ARID1B: variants seen among roughly 807,000 people sequenced by gnomAD.
ARID1B encodes the protein AT-rich interactive domain-containing protein 1B.
In ARID1B, 30 loss-of-function variants were observed where a neutral mutation model predicts 212.3. The observed-to-expected ratio is 0.14, with a 90% CI of 0.11 to 0.19. The LOEUF (loss-of-function observed/expected upper bound fraction) is 0.19, where lower values mean the gene tolerates loss of function less well. Ranked by LOEUF, ARID1B falls within the 10% of genes least tolerant of loss-of-function variation. The probability of loss-of-function intolerance (pLI) is 1.00; values close to 1 mark genes in which losing one functional copy is unlikely to be tolerated. For synonymous variants in ARID1B, 1,402 were observed against 1,301.7 expected, an observed-to-expected ratio of 1.08 and a Z score of -1.66; for missense variants, 2,891 against 3,204.0, an observed-to-expected ratio of 0.90 and a Z score of 2.36.
chr6:156,988,932 A>C (rs1040161866), intron 4 of ARID1B, among the ~76,000 whole-genome samples: 12 of 152,156 alleles, frequency 7.9e-5, no homozygotes, highest in African/African-American at 2.9e-4. Flanking sequence ...GTGCCATAAA[A>C]ATAATTTCTC....
chr6:157,137,559 C>T (rs1789022713), intron 7 of ARID1B, among the ~76,000 whole-genome samples: 1 of 152,132 alleles, frequency 6.6e-6, no homozygotes, highest in African/African-American at 2.4e-5. Context: ...TTTGTGTTCT[C>T]TAGAGGAATG....
rs895186523 is a variant in ARID1B, at chr6:156,777,499, C to G, written c.-182C>G. 2.6e-5 allele frequency: 4 copies of G among 151,106 alleles called. No homozygotes were observed. The highest frequency in any genetic ancestry group is 9.7e-5 in the African/African-American group (4 of 41,346). The allele number at this position is 151,106 out of a possible 1,614,324, so 9.4% of individuals were successfully genotyped here. On this transcript the variant is annotated 5_prime_UTR_variant, in exon 1 of 20. Coordinates refer to ENST00000636930, the MANE Select transcript of ARID1B (RefSeq NM_001374828.1). ...AAACTTTCACCATGAAAGCACACAGCAGGAGCAGGCCCAGAGCGTAAGGCG... is the reference window on the plus strand; with the variant it reads ...AAACTTTCACCATGAAAGCACACAGGAGGAGCAGGCCCAGAGCGTAAGGCG...
At chr6:156,905,245 T>TGC (rs1789267431) in intron 3 of ARID1B, among the ~76,000 whole-genome samples, 2 of 83,036 alleles carry the variant, frequency 2.4e-5, no homozygotes, top group Non-Finnish European at 4.8e-5. Context: ...TGCTCACATA[T>TGC]GCACGCACAC....
chr6:157,088,883 G>A (rs1026536074), intron 5 of ARID1B, among the ~76,000 whole-genome samples: 3 of 152,128 alleles, frequency 2.0e-5, no homozygotes, highest in Admixed American at 2.0e-4. Context: ...TCTCCCAGGC[G>A]TGATACTCAA....
intron 4 of ARID1B, among the ~76,000 whole-genome samples, chr6:156,993,675 A>G (rs1778404350): frequency 6.6e-6 from 1 of 152,218 alleles, no homozygotes; most frequent in African/African-American, 2.4e-5. Flanking sequence ...AATTTTTTGA[A>G]TGTAGTAGGA....
chr6:156,914,889 C>CT (rs112115510), intron 3 of ARID1B, among the ~76,000 whole-genome samples: 9 of 151,744 alleles, frequency 5.9e-5, no homozygotes, highest in Middle Eastern at 3.2e-3. Context: ...ATCAAGCCCA[C>CT]TTTTTTTTTC....
At chr6:157,149,422 G>A (rs1790041581) in intron 8 of ARID1B, 1 of 161,280 alleles carries the variant, frequency 6.2e-6, no homozygotes, top group Non-Finnish European at 1.4e-5. Context: ...CGTGTATTGT[G>A]TGTTTGTCTA....
chr6:156,882,745 A>T (rs1787201598), intron 2 of ARID1B, among the ~76,000 whole-genome samples: 1 of 152,244 alleles, frequency 6.6e-6, no homozygotes, highest in Non-Finnish European at 1.5e-5. Flanking sequence ...TAAAACGTTT[A>T]AAAGTGCTTT....
At chr6:156,826,341 C>G (rs1042125344) in intron 1 of ARID1B, among the ~76,000 whole-genome samples, 1 of 152,210 alleles carries the variant, frequency 6.6e-6, no homozygotes, top group African/African-American at 2.4e-5. Context: ...GTGAGACACC[C>G]TCTTCTCACC....
At chr6:157,138,711 T>A (rs1047161249) in intron 7 of ARID1B, among the ~76,000 whole-genome samples, 1 of 152,194 alleles carries the variant, frequency 6.6e-6, no homozygotes, top group Non-Finnish European at 1.5e-5. Context: ...CCCTTCAGTG[T>A]GCTCATTTTA....
chr6:156,971,477 T>C (rs1583054005), intron 4 of ARID1B, among the ~76,000 whole-genome samples: 1 of 152,228 alleles, frequency 6.6e-6, no homozygotes, highest in East Asian at 1.9e-4. Flanking sequence ...CTAGATACAT[T>C]AGACAACTGT....
At chr6:156,880,608 G>T (rs2635622) in intron 2 of ARID1B, among the ~76,000 whole-genome samples, 2 of 151,754 alleles carry the variant, frequency 1.3e-5, no homozygotes. Context: ...GCGTGGTGGC[G>T]CATGCCTGTA....
chr6:157,099,595 T>A (rs554356261), intron 5 of ARID1B, among the ~76,000 whole-genome samples: 1 of 152,368 alleles, frequency 6.6e-6, no homozygotes, highest in East Asian at 1.9e-4. Flanking sequence ...AGTAACGTTT[T>A]ATAAGTTGGT....
chr6:156,901,635 A>G lies in ARID1B; in HGVS notation c.2136+110A>G. 6 of 1,374,722 alleles carry G rather than the reference A, an allele frequency of 4.4e-6. No homozygotes were observed. In the South Asian group the frequency reaches 4.4e-5, roughly 10 times the overall value. 85.2% of individuals were successfully genotyped at this position (1,374,722 alleles called of 1,614,324 possible). ...AAAATTATGTTCTGGTGGAAAAAAAATTAGTTTTGAGAAAATGCATAACTG... is the reference window on the plus strand; with the variant it reads ...AAAATTATGTTCTGGTGGAAAAAAAGTTAGTTTTGAGAAAATGCATAACTG... On this transcript the variant is annotated intron_variant, in intron 3 of 19. Transcript: ENST00000636930.
At chr6:157,143,659 C>T (rs756176908) in intron 7 of ARID1B, among the ~76,000 whole-genome samples, 12 of 152,274 alleles carry the variant, frequency 7.9e-5, no homozygotes, top group African/African-American at 2.4e-4. Flanking sequence ...CCACTTGTCA[C>T]GCTGCTAGGG....
chr6:157,009,338 G>GT (rs1381202155), intron 4 of ARID1B, among the ~76,000 whole-genome samples: 9 of 152,206 alleles, frequency 5.9e-5, no homozygotes, highest in Non-Finnish European at 1.3e-4. Context: ...GCACAAGGCT[G>GT]TTAGTATGAG....
At position 157,148,659 on chromosome 6, in the gene ARID1B, C is replaced by T. The variant is rs1436675945; in HGVS notation, c.2797C>T (p.Pro933Ser). The T allele has an allele frequency of 1.2e-6, 2 of 1,605,590 alleles. No individual in the cohort carries two copies. Among genetic ancestry groups the T allele is most frequent in the Non-Finnish European group, 1.7e-6 (2 of 1,173,570 alleles). The change falls in exon 8 of 20, where the codon CCC becomes TCC. Residue 933 changes from proline to serine, a missense_variant. Physicochemically the swap from Pro to Ser is moderately conservative, Grantham distance 74. Transcript: ENST00000636930. The surrounding 1 kb of genome is among the most constrained non-coding windows in gnomAD (Gnocchi z 5.6). ...YSRPPAYSGV[P>S]SASYSGPGPG... ...CAGACCCCCAGCGTATAGTGGGGTG[C>T]CCAGTGCAAGCTACAGCGGCCCAGG...
At chr6:156,805,662 A>G (rs1781103617) in intron 1 of ARID1B, among the ~76,000 whole-genome samples, 1 of 152,122 alleles carries the variant, frequency 6.6e-6, no homozygotes. Flanking sequence ...TAGGAAAAAG[A>G]ATTACATATA....
At chr6:156,894,548 A>G (rs9372025) in intron 2 of ARID1B, among the ~76,000 whole-genome samples, 43,672 of 152,152 alleles carry the variant, frequency 0.29, 6,416 homozygotes, top group Non-Finnish European at 0.33. Context: ...ATTCTTTTAC[A>G]CAGCAAAATA....
Sources: allele counts gnomAD v4.1 joint callset (sites outside exome capture counted in the v4.1 genomes callset), GRCh38; gene constraint gnomAD v4.1.1; non-coding constraint Gnocchi (gnomAD v3.1); transcripts MANE v1.5; gene names NCBI Gene and HGNC (gene_info 2026-07-23, HGNC 2026-07-21).